Variants in MRPL1 observed in about 807,000 individuals in gnomAD.
The protein encoded by MRPL1 is mitochondrial ribosomal protein L1.
Under a neutral mutation model 38.0 loss-of-function variants are expected in MRPL1, and 28 were observed. The ratio of observed to expected loss-of-function variants is 0.74; its 90% CI spans 0.55 to 1.01. The LOEUF (loss-of-function observed/expected upper bound fraction) is 1.01. Ranked by LOEUF, MRPL1 falls within the 50% of genes least tolerant of loss-of-function variation. MRPL1 has a pLI of 0.00. For synonymous variants in MRPL1, 123 were observed against 126.7 expected (o/e 0.97, Z 0.20); for missense variants, 358 against 389.8 (o/e 0.92, Z 0.69).
At chr4:77,906,405 G>A (rs960246035) in intron 6 of MRPL1, among the ~76,000 whole-genome samples, 1 of 152,122 alleles carries the variant, frequency 6.6e-6, no homozygotes, top group Non-Finnish European at 1.5e-5. Context: ...ATGTTGGGTG[G>A]TAACTGGAAG....
At chr4:77,869,658 C>T (rs903655609) in intron 1 of MRPL1, among the ~76,000 whole-genome samples, 62 of 151,946 alleles carry the variant, frequency 4.1e-4, no homozygotes, top group East Asian at 7.7e-4. Flanking sequence ...TGCAGTGGCG[C>T]GGCTCACTGC....
intron 1 of MRPL1, among the ~76,000 whole-genome samples, chr4:77,870,825 T>C (rs1376952431): frequency 6.6e-6 from 1 of 152,154 alleles, no homozygotes; most frequent in Non-Finnish European, 1.5e-5. Flanking sequence ...AGAATAATAA[T>C]AGCTTGAAAT....
chr4:77,895,970 A>C (rs6816113), intron 6 of MRPL1, among the ~76,000 whole-genome samples: 11,460 of 152,188 alleles, frequency 0.075, 732 homozygotes, highest in African/African-American at 0.17. Context: ...AATTAAATTC[A>C]AGCTCAAATC....
chr4:77,951,064 T>A (rs957028286), intron 8 of MRPL1, among the ~76,000 whole-genome samples: 71 of 152,204 alleles, frequency 4.7e-4, no homozygotes, highest in African/African-American at 1.4e-3. Flanking sequence ...GCGGTGGGGT[T>A]TCACCATGTT....
intron 7 of MRPL1, among the ~76,000 whole-genome samples, chr4:77,920,284 G>A (rs1314831138): frequency 6.6e-6 from 1 of 152,018 alleles, no homozygotes; most frequent in Non-Finnish European, 1.5e-5. Context: ...CCTTTCAAGT[G>A]TACCTGTATA....
At chr4:77,924,102 C>T (rs1736652706) in intron 7 of MRPL1, among the ~76,000 whole-genome samples, 1 of 151,976 alleles carries the variant, frequency 6.6e-6, no homozygotes, top group South Asian at 2.1e-4. Flanking sequence ...TGCAGACCAC[C>T]ACTGGTTTCT....
At chr4:77,926,454 C>T (rs1008025552) in intron 7 of MRPL1, among the ~76,000 whole-genome samples, 4 of 152,136 alleles carry the variant, frequency 2.6e-5, no homozygotes, top group African/African-American at 9.7e-5. Flanking sequence ...AGGCTTTTGA[C>T]CCAGCTTTAC....
chr4:77,890,218 G>C (rs956833700), intron 5 of MRPL1, among the ~76,000 whole-genome samples: 1 of 152,192 alleles, frequency 6.6e-6, no homozygotes, highest in African/African-American at 2.4e-5. Context: ...GAACATCGAT[G>C]CAAAAATCCT....
At chr4:77,919,987 A>C (rs890811769) in intron 7 of MRPL1, among the ~76,000 whole-genome samples, 1 of 152,132 alleles carries the variant, frequency 6.6e-6, no homozygotes, top group Non-Finnish European at 1.5e-5. Context: ...TTCTAACTAA[A>C]AAATCTTTGG....
chr4:77,881,979 T>A (rs1048989313), intron 2 of MRPL1, among the ~76,000 whole-genome samples: 1 of 152,200 alleles, frequency 6.6e-6, no homozygotes, highest in Non-Finnish European at 1.5e-5. Flanking sequence ...TGCCCCCCTA[T>A]GCTCTGTCTT....
At chr4:77,947,695 TA>T (rs1233960294) in intron 7 of MRPL1, among the ~76,000 whole-genome samples, 1 of 152,200 alleles carries the variant, frequency 6.6e-6, no homozygotes, top group Non-Finnish European at 1.5e-5. Flanking sequence ...CAAGTTTTGA[TA>T]AAACTCATGC....
intron 7 of MRPL1, among the ~76,000 whole-genome samples, chr4:77,910,845 A>G (rs961499947): frequency 6.6e-6 from 1 of 152,192 alleles, no homozygotes; most frequent in African/African-American, 2.4e-5. Flanking sequence ...GCTCAGCTCC[A>G]ATTTATTTGG....
At chr4:77,869,441 T>A (rs1024366535) in intron 1 of MRPL1, among the ~76,000 whole-genome samples, 1 of 152,312 alleles carries the variant, frequency 6.6e-6, no homozygotes, top group Non-Finnish European at 1.5e-5. Context: ...ATTGAAAACA[T>A]AGATATCATG....
chr4:77,924,852 A>AT (rs1736675267), intron 7 of MRPL1, among the ~76,000 whole-genome samples: 1 of 152,146 alleles, frequency 6.6e-6, no homozygotes, highest in South Asian at 2.1e-4. Flanking sequence ...TCTTAAGTGA[A>AT]TTTTGGTAGT....
chr4:77,937,510 G>A lies in MRPL1; in HGVS notation c.778-12287G>A, dbSNP rs74470005. 7.1e-3 allele frequency among the ~76,000 whole-genome samples: 1,076 copies of A among 152,246 alleles called. 12 individuals are homozygous for A. The highest frequency in any genetic ancestry group is 0.024 in the African/African-American group (983 of 41,548). On this transcript the variant is annotated intron_variant, in intron 7 of 8. Coordinates refer to ENST00000315567, the MANE Select transcript of MRPL1 (RefSeq NM_020236.4). ...AAAACCCAAATGCCTCTACTTCCCC[G>A]CCCATATTTGTGGTCCCCATTTTGG... is the stretch of plus-strand genomic sequence containing the variant.
At chr4:77,924,304 T>C (rs1462104113) in intron 7 of MRPL1, among the ~76,000 whole-genome samples, 1 of 152,220 alleles carries the variant, frequency 6.6e-6, no homozygotes, top group African/African-American at 2.4e-5. Context: ...TCTTTTTCTG[T>C]GCTCAAGAGC....
intron 7 of MRPL1, among the ~76,000 whole-genome samples, chr4:77,944,326 G>A (rs1377972683): frequency 6.6e-6 from 1 of 152,208 alleles, no homozygotes; most frequent in Non-Finnish European, 1.5e-5. Context: ...CAAAGGGTCT[G>A]TGGGCTCTCC....
chr4:77,939,552 C>T, intron 7 of MRPL1, among the ~76,000 whole-genome samples: 1 of 152,108 alleles, frequency 6.6e-6, no homozygotes, highest in East Asian at 1.9e-4. Flanking sequence ...AATGAAGTTC[C>T]ATCTATTTAT....
intron 2 of MRPL1, among the ~76,000 whole-genome samples, chr4:77,875,983 ATTT>A (rs951811060): frequency 6.6e-6 from 1 of 151,848 alleles, no homozygotes; most frequent in Non-Finnish European, 1.5e-5. Context: ...TTATTTATTT[ATTT>A]TTTTGAGATG....
Sources: gnomAD v4.1 joint callset for allele counts (sites outside exome capture counted in the v4.1 genomes callset) on GRCh38, gnomAD v4.1.1 for gene constraint, MANE v1.5 for transcripts, NCBI Gene and HGNC (gene_info 2026-07-23, HGNC 2026-07-21) for gene names.